The following WWOX variants were observed in gnomAD, a reference collection of about 807,000 sequenced individuals.
The protein encoded by WWOX is WW domain containing oxidoreductase, also known as WW domain-containing oxidoreductase.
In WWOX, 69 loss-of-function variants were observed where a neutral mutation model predicts 46.2. The observed-to-expected ratio is 1.49, with a 90% CI of 1.23 to 1.82. WWOX has a LOEUF of 1.82. WWOX is among the 40% of genes most tolerant of loss of function. The pLI, the probability that WWOX is intolerant of heterozygous loss-of-function variation, is 0.00. For synonymous variants in WWOX, 359 were observed against 202.6 expected, an observed-to-expected ratio of 1.77 and a Z score of -6.56; for missense variants, 919 against 542.6, an observed-to-expected ratio of 1.69 and a Z score of -6.89.
chr16:78,631,745 C>T (rs1055027956), intron 8 of WWOX, among the ~76,000 whole-genome samples: 6 of 152,074 alleles, frequency 3.9e-5, no homozygotes, highest in Non-Finnish European at 5.9e-5. Flanking sequence ...AGGCTAGTCT[C>T]TAACTCCTGG....
In WWOX at chr16:78,128,198, T is replaced by G. The variant is rs1003904361; in HGVS notation, c.409+13044T>G. On this transcript the variant is annotated intron_variant, in intron 4 of 8. Transcript: ENST00000566780. ...ATAAGAGCTCTTGACTTTTTTTTTTTGTTGTTGTTAGGATATGGGGAGAGG... is the reference window on the plus strand; with the variant it reads ...ATAAGAGCTCTTGACTTTTTTTTTTGGTTGTTGTTAGGATATGGGGAGAGG... 7.9e-5 allele frequency among the ~76,000 whole-genome samples: 12 copies of G among 152,026 alleles called. 1 individual carries two copies. The highest frequency in any genetic ancestry group is 5.9e-4 in the Admixed American group (9 of 15,256).
intron 8 of WWOX, among the ~76,000 whole-genome samples, chr16:78,531,692 A>T (rs192484979): frequency 6.6e-5 from 10 of 151,988 alleles, no homozygotes; most frequent in East Asian, 5.8e-4. Context: ...AAAATACAAA[A>T]ATTTTTTTGT....
At chr16:78,578,254 TTATATATATATATATATA>T (rs1194130355) in intron 8 of WWOX, among the ~76,000 whole-genome samples, 2 of 31,628 alleles carry the variant, frequency 6.3e-5, no homozygotes, top group South Asian at 2.0e-3. Context: ...ATACCAAATT[TTATATATATATATATATA>T]TATATATATA....
At chr16:78,310,645 C>T (rs1372270660) in intron 5 of WWOX, among the ~76,000 whole-genome samples, 2 of 152,202 alleles carry the variant, frequency 1.3e-5, no homozygotes, top group Non-Finnish European at 2.9e-5. Context: ...TTCGTGTCAG[C>T]ACATTTGGCA....
intron 4 of WWOX, among the ~76,000 whole-genome samples, chr16:78,125,812 C>T (rs972281230): frequency 5.3e-5 from 8 of 152,172 alleles, no homozygotes; most frequent in Non-Finnish European, 1.2e-4. Flanking sequence ...TAGCATTCAT[C>T]AAGCGCCTGT....
intron 8 of WWOX, among the ~76,000 whole-genome samples, chr16:78,754,631 A>G (rs764574032): frequency 2.0e-5 from 3 of 152,224 alleles, no homozygotes; most frequent in Non-Finnish European, 4.4e-5. Context: ...TAAAAAAAGC[A>G]TGGAAACTGG....
chr16:78,713,396 G>C (rs892687873), intron 8 of WWOX, among the ~76,000 whole-genome samples: 7 of 150,774 alleles, frequency 4.6e-5, no homozygotes, highest in Non-Finnish European at 7.4e-5. Flanking sequence ...GCTCCGTCTT[G>C]ATGCTGTTAT....
At chr16:78,706,663 A>T (rs939140552) in intron 8 of WWOX, among the ~76,000 whole-genome samples, 1 of 152,164 alleles carries the variant, frequency 6.6e-6, no homozygotes, top group African/African-American at 2.4e-5. Context: ...TATCCAGGAG[A>T]GGAAAGGCTC....
At chr16:78,814,926 G>C (rs1023430614) in intron 8 of WWOX, among the ~76,000 whole-genome samples, 2 of 152,176 alleles carry the variant, frequency 1.3e-5, no homozygotes, top group Non-Finnish European at 2.9e-5. Context: ...CCTGGAAGCT[G>C]ACCATAGTTG....
At chr16:78,398,183 C>G (rs1049994760) in intron 6 of WWOX, among the ~76,000 whole-genome samples, 8 of 152,184 alleles carry the variant, frequency 5.3e-5, no homozygotes, top group African/African-American at 1.2e-4. Context: ...CTGACACTGT[C>G]CTGTTTGGCA....
chr16:78,446,821 C>T (rs771090439), intron 8 of WWOX, among the ~76,000 whole-genome samples: 10 of 151,768 alleles, frequency 6.6e-5, no homozygotes, highest in Non-Finnish European at 8.8e-5. Flanking sequence ...CTACTACCCC[C>T]GGCAAACTTT....
Position 78,338,260 on chromosome 16 carries a change from C to G in WWOX, c.517-48600C>G, listed in dbSNP as rs1463995947. On this transcript the variant is annotated intron_variant, in intron 5 of 8. Transcript: ENST00000566780. ...CAGCAACCAAAATTTTATCACTTGC[C>G]TGATACTGCCTAGTGAGCAGGTGGA... Among the ~76,000 whole-genome samples the G allele has an allele frequency of 1.7e-5, 2 of 120,692 alleles. 1 individual carries two copies. Among genetic ancestry groups the G allele is most frequent in the Non-Finnish European group, 3.9e-5 (2 of 50,676 alleles). 79.2% of individuals were successfully genotyped at this position (120,692 alleles called of 152,430 possible).
chr16:78,156,966 C>T (rs919300170), intron 4 of WWOX, among the ~76,000 whole-genome samples: 4 of 152,150 alleles, frequency 2.6e-5, no homozygotes, highest in Non-Finnish European at 5.9e-5. Flanking sequence ...AGTTCTGGAA[C>T]CTGCCTGGCC....
chr16:78,823,241 A>C (rs567357936), intron 8 of WWOX, among the ~76,000 whole-genome samples: 10 of 152,292 alleles, frequency 6.6e-5, no homozygotes, highest in South Asian at 4.2e-4. Flanking sequence ...GAAATGCCTT[A>C]ATGATGCTGG....
At chr16:79,124,395 AATT>A (rs1354025182) in intron 8 of WWOX, among the ~76,000 whole-genome samples, 7 of 152,136 alleles carry the variant, frequency 4.6e-5, no homozygotes, top group Admixed American at 3.3e-4. Context: ...AAGTATAAGT[AATT>A]ATTATGCTTT....
rs180687752 is a variant in WWOX at position 78,433,379 on chromosome 16, C to G, written c.1056+627C>G. 3.2e-4 allele frequency among the ~76,000 whole-genome samples: 49 copies of G among 152,192 alleles called. No individual in the cohort carries two copies. The East Asian group carries it at 6.4e-3, about 20-fold the overall frequency. On this transcript the variant is annotated intron_variant, in intron 8 of 8. Transcript: ENST00000566780. ...TTTTTATAGTTTGGTGTTCATTTAT[C>G]GACCATATTAAGAACCTTCTTCTAT...
At chr16:78,164,961 G>A (rs1206983487) in intron 5 of WWOX, among the ~76,000 whole-genome samples, 1 of 152,230 alleles carries the variant, frequency 6.6e-6, no homozygotes, top group Non-Finnish European at 1.5e-5. Flanking sequence ...CCTGAATGAA[G>A]TAGGGGTAAG....
intron 8 of WWOX, among the ~76,000 whole-genome samples, chr16:78,494,310 T>G (rs1293404385): frequency 6.6e-6 from 1 of 152,122 alleles, no homozygotes; most frequent in South Asian, 2.1e-4. Context: ...GTGAGGTCCC[T>G]TCTCCAACAC....
At chr16:78,643,354 C>T (rs1032753748) in intron 8 of WWOX, among the ~76,000 whole-genome samples, 5 of 152,184 alleles carry the variant, frequency 3.3e-5, no homozygotes, top group Non-Finnish European at 7.3e-5. Flanking sequence ...GAAACTGAGG[C>T]TTCTGGAGGA....
Sources: gnomAD v4.1 joint callset for allele counts (sites outside exome capture counted in the v4.1 genomes callset) on GRCh38, gnomAD v4.1.1 for gene constraint, MANE v1.5 for transcripts, NCBI Gene and HGNC (gene_info 2026-07-23, HGNC 2026-07-21) for gene names.